Variants in ARHGAP33 observed in about 807,000 individuals in gnomAD.
ARHGAP33 encodes Rho GTPase activating protein 33.
A neutral mutation model predicts 126.2 loss-of-function variants in ARHGAP33; 57 were observed. The observed-to-expected ratio is 0.45, with a 90% CI of 0.36 to 0.56. The LOEUF is 0.56. Among genes scored for constraint, ARHGAP33 ranks in the 20% least tolerant of loss-of-function variants. The pLI, the probability that ARHGAP33 is intolerant of heterozygous loss-of-function variation, is 0.00. For missense variants in ARHGAP33, 1,500 were observed against 1,748.3 expected, an observed-to-expected ratio of 0.86 and a Z score of 2.53; for synonymous variants, 711 against 755.0, an observed-to-expected ratio of 0.94 and a Z score of 0.95.
At chr19:35,777,605 C>T (rs2146680633) in intron 1 of ARHGAP33, 40 bp from the exon 2 acceptor site, 1 of 1,503,766 alleles carries the variant, frequency 6.6e-7, no homozygotes, top group Non-Finnish European at 9.1e-7. Flanking sequence ...TGTCTCTTTG[C>T]TCCCATCTCT....
rs1233323982 is a variant in ARHGAP33, at chr19:35,782,943, T to A, written c.1421+74T>A. 7.6e-7 allele frequency: 1 copy of A among 1,318,694 alleles called. No individual in the cohort carries two copies. The highest frequency in any genetic ancestry group is 1.1e-6 in the Non-Finnish European group (1 of 947,786). The allele number at this position is 1,318,694 out of a possible 1,614,324, so 81.7% of individuals were successfully genotyped here. A position where few individuals can be genotyped will look rare whatever the true frequency, so the allele number is the denominator to read the frequency against. On this transcript the variant is annotated intron_variant, in intron 15 of 20. Transcript: ENST00000007510. This position sits in a 1 kb window ranked among gnomAD's most constrained non-coding sequence, Gnocchi z 4.1. ...ACCCCAGGAACCCGCCCAGCTTTTC[T>A]TTTGTTTATTCATCGAATACGTGTC...
At position 35,777,907 on chromosome 19, in the gene ARHGAP33, A is replaced by G; in HGVS notation, c.188A>G (p.Gln63Arg). The G allele has an allele frequency of 1.2e-6, 2 of 1,614,158 alleles. No homozygotes were observed. The highest frequency in any genetic ancestry group is 2.2e-5 in the South Asian group (2 of 91,084). Residue 63 changes from glutamine to arginine, a missense_variant and splice_region_variant, in exon 3 of 21, where the codon CAG becomes CGG. By Grantham distance (43) the Gln-to-Arg change is conservative. Around this residue, in one of 6 missense-constraint regions of ARHGAP33, gnomAD observed 129 missense variants for 145.9 expected, o/e 0.88. Coordinates refer to ENST00000007510, the MANE Select transcript of ARHGAP33 (RefSeq NM_001366178.1). The part of the protein sequence containing the change: ...HYENVDFGHI[Q>R]LLLSPDREGP... Reference sequence around the variant, plus strand: ...GAGAACGTTGACTTTGGCCACATTCAGGTATGGGGGCTTTGCATTTGCACC... The same window carrying G: ...GAGAACGTTGACTTTGGCCACATTCGGGTATGGGGGCTTTGCATTTGCACC...
At chr19:35,784,585 A>C in intron 16 of ARHGAP33, 1 of 1,308,592 alleles carries the variant, frequency 7.6e-7, no homozygotes, top group Non-Finnish European at 9.7e-7. Flanking sequence ...CCATGGGTCC[A>C]CCTGGGAGGA....
Position 35,786,029 on chromosome 19 carries a change from G to A in ARHGAP33, c.1943-384G>A. The A allele has an allele frequency of 8.8e-7, 1 of 1,135,690 alleles. No homozygotes were observed. Among genetic ancestry groups the A allele is most frequent in the Non-Finnish European group, 1.1e-6 (1 of 924,406 alleles). The allele number at this position is 1,135,690 out of a possible 1,614,324, so 70.4% of individuals were successfully genotyped here. A position where few individuals can be genotyped will look rare whatever the true frequency, so the allele number is the denominator to read the frequency against. On this transcript the variant is annotated intron_variant, in intron 19 of 20. Transcript: ENST00000007510. The surrounding 1 kb of genome is among the most constrained non-coding windows in gnomAD (Gnocchi z 7.0). ...ACAGCCCGCCGCGCTGCTGGGTGCT[G>A]CTCTCCGACCTCTGCGGGGGGCTGC... is the stretch of plus-strand genomic sequence containing the variant.
chr19:35,788,195 A>T lies in ARHGAP33; in HGVS notation c.3630A>T (p.Gln1210His). The T allele has an allele frequency of 6.2e-7, 1 of 1,605,376 alleles. No individual in the cohort carries two copies. Among genetic ancestry groups the T allele is most frequent in the Non-Finnish European group, 8.5e-7 (1 of 1,176,948 alleles). The change falls in exon 21 of 21, where the codon CAA becomes CAT. Residue 1210 changes from glutamine to histidine, a missense_variant. Gln to His is a conservative substitution (Grantham distance 24). Transcript: ENST00000007510. Reference sequence around the variant, plus strand: ...CAGTCCCCCGCCTTCCCCAGAAACAACGGGCACCCTGGGGACCCCGTACCC... The same window carrying T: ...CAGTCCCCCGCCTTCCCCAGAAACATCGGGCACCCTGGGGACCCCGTACCC... ...GPPVPRLPQK[Q>H]RAPWGPRTPH...
At position 35,784,980 on chromosome 19, in the gene ARHGAP33, C is replaced by A; in HGVS notation, c.1595C>A (p.Ser532Tyr). Residue 532 changes from serine to tyrosine, a missense_variant, in exon 17 of 21, where the codon TCC becomes TAC. Ser to Tyr is a moderately radical substitution (Grantham distance 144). Coordinates refer to ENST00000007510, the MANE Select transcript of ARHGAP33 (RefSeq NM_001366178.1). ...AGRCLLPRPK[S>Y]LAGSCPSTRL... ...CGCTGCCTGCTCCCCAGGCCCAAGTCCCTTGCGGGCAGCTGCCCCTCCACC... is the reference window on the plus strand; with the variant it reads ...CGCTGCCTGCTCCCCAGGCCCAAGTACCTTGCGGGCAGCTGCCCCTCCACC... 3 of 1,545,082 alleles carry A rather than the reference C, an allele frequency of 1.9e-6. No individual in the cohort carries two copies. The highest frequency in any genetic ancestry group is 2.4e-5 in the East Asian group (1 of 40,932).
intron 6 of ARHGAP33, 105 bp from the exon 7 acceptor site, chr19:35,780,106 C>T: frequency 6.7e-7 from 1 of 1,487,262 alleles, no homozygotes; most frequent in Non-Finnish European, 9.2e-7. Context: ...GACAGGGGCT[C>T]TTGACGGGGG....
rs1013108930 is a variant in ARHGAP33, at chr19:35,787,065, C to T, written c.2595C>T (p.Gly865=). Residue 865 remains glycine, a synonymous_variant, in exon 20 of 21, where the codon GGC becomes GGT. Transcript: ENST00000007510. ...GCAGCAAGCTCCGGGGAGCCCAGGG[C>T]CCACTCGGTGAGTCCTCAGCCTACC... The part of the protein sequence containing the change: ...EMCSKLRGAQ[G]PLGPDMESPL... The T allele has an allele frequency of 6.2e-6, 10 of 1,602,494 alleles. No homozygotes were observed. The African/African-American group carries it at 8.0e-5, about 13-fold the overall frequency.
intron 1 of ARHGAP33, among the ~76,000 whole-genome samples, chr19:35,775,987 C>T (rs934911713): frequency 6.6e-6 from 1 of 151,914 alleles, no homozygotes; most frequent in Non-Finnish European, 1.5e-5. Context: ...CTGGGTCCTT[C>T]CCCAGCTCCC....
Position 35,784,336 on chromosome 19 carries a change from T to C in ARHGAP33, c.1567+19T>C. The C allele has an allele frequency of 6.5e-7, 1 of 1,540,180 alleles. No individual in the cohort carries two copies. The highest frequency in any genetic ancestry group is 2.5e-5 in the East Asian group (1 of 40,792). Reference sequence around the variant, plus strand: ...CCTGCAGGTATGCCCTCCCACCCCCTGAGGTCCTGGCTACTGCCCACCACG... The same window carrying C: ...CCTGCAGGTATGCCCTCCCACCCCCCGAGGTCCTGGCTACTGCCCACCACG... On this transcript the variant is annotated intron_variant, in intron 16 of 20. Transcript: ENST00000007510.
At chr19:35,784,098 T>TC (rs1971957095) in intron 15 of ARHGAP33, 74 bp from the exon 16 acceptor site, 3 of 1,324,972 alleles carry the variant, frequency 2.3e-6, no homozygotes, top group Admixed American at 1.9e-5. Flanking sequence ...CTCCCCTGGC[T>TC]CCCCTCATTG....
At position 35,786,510 on chromosome 19, in the gene ARHGAP33, G is replaced by GTCCTCCTCCTCCGAGTCCTCC; in HGVS notation, c.2046_2066dup (p.Ser683_Ser689dup). The GTCCTCCTCCTCCGAGTCCTCC allele has an allele frequency of 3.9e-6, 6 of 1,535,578 alleles. No homozygotes were observed. The highest frequency in any genetic ancestry group is 5.2e-6 in the Non-Finnish European group (6 of 1,146,482). On this transcript the variant is annotated inframe_insertion, in exon 20 of 21. Transcript: ENST00000007510. This position sits in a 1 kb window ranked among gnomAD's most constrained non-coding sequence, Gnocchi z 7.0. ...CTGGCTCCTGCGAGAGCCTGTCCTC[G>GTCCTCCTCCTCCGAGTCCTCC]TCCTCCTCCTCCGAGTCCTCCTCCT...
chr19:35,784,446 A>G, intron 16 of ARHGAP33, 129 bp downstream of exon 16: 1 of 1,413,730 alleles, frequency 7.1e-7, no homozygotes, highest in South Asian at 1.6e-5. Context: ...CTCCTTGAGG[A>G]TCCCGCCCCG....
chr19:35,777,256 C>G (rs577050902), intron 1 of ARHGAP33, among the ~76,000 whole-genome samples: 2 of 152,118 alleles, frequency 1.3e-5, no homozygotes, highest in Admixed American at 1.3e-4. Context: ...CAGGCTATTG[C>G]GGAAAAGCTG....
In ARHGAP33 at chr19:35,785,185, G is replaced by T. The variant is rs199806241; in HGVS notation, c.1722-4G>T. On this transcript the variant is annotated splice_region_variant and splice_polypyrimidine_tract_variant and intron_variant, in intron 17 of 20. Transcript: ENST00000007510. ...CGGCCTCCTGTTTCTCCCCCAAACC[G>T]CAGGAGGAAAGGGGAGAGAGGGGAG... is the stretch of plus-strand genomic sequence containing the variant. 2 of 1,574,572 alleles carry T rather than the reference G, an allele frequency of 1.3e-6. No homozygotes were observed. Among genetic ancestry groups the T allele is most frequent in the African/African-American group, 1.4e-5 (1 of 73,538 alleles).
At position 35,782,834 on chromosome 19, in the gene ARHGAP33, C is replaced by T. The variant is rs1971871746; in HGVS notation, c.1386C>T (p.Arg462=). The T allele has an allele frequency of 6.2e-7, 1 of 1,613,722 alleles. No individual in the cohort carries two copies. The highest frequency in any genetic ancestry group is 1.3e-5 in the African/African-American group (1 of 75,044). ...GTGCCAACACCAGCATGCATGCCCG[C>T]AACCTGGCCATTGTCTGGGCACCCA... ...RHSANTSMHA[R]NLAIVWAPNL... The change falls in exon 15 of 21, where the codon CGC becomes CGT. Residue 462 remains arginine, a synonymous_variant. Transcript: ENST00000007510. This position sits in a 1 kb window ranked among gnomAD's most constrained non-coding sequence, Gnocchi z 4.1.
At chr19:35,778,843 C>T in intron 5 of ARHGAP33, 189 bp from the exon 6 acceptor site, 1 of 771,636 alleles carries the variant, frequency 1.3e-6, no homozygotes, top group Non-Finnish European at 2.0e-6. Context: ...GTCATGCCAA[C>T]CAGGGTACTC....
rs140219685 is a variant in ARHGAP33 at position 35,787,721 on chromosome 19, G to T, written c.3156G>T (p.Leu1052Phe). 4.4e-6 allele frequency: 7 copies of T among 1,588,654 alleles called. No homozygotes were observed. Among genetic ancestry groups the T allele is most frequent in the Non-Finnish European group, 6.0e-6 (7 of 1,172,252 alleles). ...PPFLGVPKPG[L>F]YPLGPPSFQP... ...TCCTCGGGGTCCCCAAGCCAGGCTT[G>T]TACCCCCTGGGCCCCCCATCCTTCC... The change falls in exon 21 of 21, where the codon TTG becomes TTT. Residue 1052 changes from leucine (L) to phenylalanine (F), a missense_variant. Around this residue, in one of 6 missense-constraint regions of ARHGAP33, gnomAD observed 642 missense variants for 634.0 expected, o/e 1.01. Coordinates refer to ENST00000007510, the MANE Select transcript of ARHGAP33 (RefSeq NM_001366178.1).
Position 35,778,503 on chromosome 19 carries a change from C to T in ARHGAP33, c.310C>T (p.Arg104Cys), listed in dbSNP as rs374221923. Residue 104 changes from arginine (R) to cysteine (C), a missense_variant, in exon 5 of 21, where the codon CGT becomes TGT. Around this residue, in one of 6 missense-constraint regions of ARHGAP33, gnomAD observed 129 missense variants for 145.9 expected, o/e 0.88. Coordinates refer to ENST00000007510, the MANE Select transcript of ARHGAP33 (RefSeq NM_001366178.1). ...WPVLRSYDDF[R>C]SLDAHLHRCI... ...GGTTCTCCGGAGTTACGATGACTTT[C>T]GTTCCCTGGATGCCCACCTCCACCG... 6.8e-6 allele frequency: 11 copies of T among 1,614,096 alleles called. No homozygotes were observed. The African/African-American group carries it at 8.0e-5, about 12-fold the overall frequency.
Sources: gnomAD v4.1 joint callset for allele counts (sites outside exome capture counted in the v4.1 genomes callset) on GRCh38, gnomAD v4.1.1 for gene constraint, gnomAD v4.1.1 regional missense constraint, Gnocchi (gnomAD v3.1) non-coding constraint, MANE v1.5 for transcripts, NCBI Gene and HGNC (gene_info 2026-07-23, HGNC 2026-07-21) for gene names.